Variants in FMN1 observed in about 807,000 individuals in gnomAD.
FMN1 encodes the protein formin 1.
FMN1 carries 110 observed loss-of-function variants against 132.4 expected under a neutral mutation model. The ratio of observed to expected loss-of-function variants is 0.83; its 90% CI spans 0.71 to 0.97. The LOEUF (loss-of-function observed/expected upper bound fraction) is 0.97, where lower values mean the gene tolerates loss of function less well. Among genes scored for constraint, FMN1 ranks in the 50% least tolerant of loss-of-function variants. FMN1 has a pLI of 0.00. For synonymous variants in FMN1, 722 were observed against 651.7 expected, an observed-to-expected ratio of 1.11 and a Z score of -1.64; for missense variants, 1,792 against 1,705.3, an observed-to-expected ratio of 1.05 and a Z score of -0.90.
chr15:33,151,325 C>T (rs553169764), intron 4 of FMN1: 2 of 1,536,590 alleles, frequency 1.3e-6, no homozygotes, highest in Admixed American at 3.9e-5. Context: ...ACAGGAGATG[C>T]TTACAGTTCT....
intron 4 of FMN1, among the ~76,000 whole-genome samples, chr15:33,109,510 T>C (rs2039615259): frequency 6.6e-6 from 1 of 152,008 alleles, no homozygotes; most frequent in South Asian, 2.1e-4. Flanking sequence ...TACACAGCCA[T>C]AAAAAAGAAT....
At chr15:33,024,404 G>A (rs761541569) in intron 6 of FMN1, among the ~76,000 whole-genome samples, 5 of 151,816 alleles carry the variant, frequency 3.3e-5, no homozygotes, top group Non-Finnish European at 7.4e-5. Context: ...CCGCCACCAC[G>A]CCTGGCTAAT....
chr15:32,912,066 C>G (rs1462644055), intron 10 of FMN1, among the ~76,000 whole-genome samples: 1 of 152,146 alleles, frequency 6.6e-6, no homozygotes, highest in Non-Finnish European at 1.5e-5. Flanking sequence ...AAGAAAAGGT[C>G]AAATTCTAAA....
rs147412523 is a variant in FMN1, at chr15:32,867,562, C to T, written c.3836-10455G>A. Among the ~76,000 whole-genome samples the T allele has an allele frequency of 5.9e-3, 887 of 150,476 alleles. 9 individuals carry two copies. The highest frequency in any genetic ancestry group is 0.021 in the African/African-American group (835 of 40,116). Reference sequence around the variant, plus strand: ...TCTTTCACCCAGGCTGGAGTGCAGTCGTGTGATCTCCTCGGCTCACTGCAA... The same window carrying T: ...TCTTTCACCCAGGCTGGAGTGCAGTTGTGTGATCTCCTCGGCTCACTGCAA... On this transcript the variant is annotated intron_variant, in intron 16 of 20. Transcript: ENST00000616417.
At chr15:33,148,283 G>C (rs1322591101) in intron 4 of FMN1, among the ~76,000 whole-genome samples, 1 of 152,102 alleles carries the variant, frequency 6.6e-6, no homozygotes, top group Non-Finnish European at 1.5e-5. Context: ...CCTACCTTCA[G>C]CCTCTTATAA....
chr15:33,088,449 T>A (rs139200906), intron 5 of FMN1, among the ~76,000 whole-genome samples: 2,035 of 152,302 alleles, frequency 0.013, 28 homozygotes, highest in Non-Finnish European at 0.021. Context: ...TGGCTTTACA[T>A]ATGTTATTGA....
At chr15:33,001,043 G>A in intron 7 of FMN1, among the ~76,000 whole-genome samples, 1 of 152,236 alleles carries the variant, frequency 6.6e-6, no homozygotes, top group East Asian at 1.9e-4. Flanking sequence ...AGCACTTTGG[G>A]AGGCCGAGAC....
intron 19 of FMN1, among the ~76,000 whole-genome samples, chr15:32,789,835 T>C (rs2057009761): frequency 6.6e-6 from 1 of 152,222 alleles, no homozygotes; most frequent in Admixed American, 6.5e-5. Flanking sequence ...TATGTTTAGA[T>C]ACACAAATAC....
chr15:32,853,580 C>G (rs573133438), intron 17 of FMN1, among the ~76,000 whole-genome samples: 1 of 152,090 alleles, frequency 6.6e-6, no homozygotes, highest in Non-Finnish European at 1.5e-5. Flanking sequence ...GAAATATCTA[C>G]GCAATAAATG....
intron 14 of FMN1, among the ~76,000 whole-genome samples, chr15:32,899,400 G>C (rs1468038197): frequency 2.0e-5 from 3 of 152,170 alleles, no homozygotes; most frequent in African/African-American, 7.2e-5. Context: ...CTGCTCACTG[G>C]GGCCTAATTC....
intron 17 of FMN1, among the ~76,000 whole-genome samples, chr15:32,824,764 G>A (rs1037880335): frequency 7.9e-5 from 12 of 152,166 alleles, no homozygotes; most frequent in African/African-American, 2.7e-4. Flanking sequence ...CCAGCCCTCT[G>A]TTTTATAATT....
chr15:33,107,416 TTAAAA>T (rs1209010920), intron 4 of FMN1, among the ~76,000 whole-genome samples: 3 of 151,996 alleles, frequency 2.0e-5, no homozygotes, highest in Admixed American at 1.3e-4. Flanking sequence ...CCCATCATAG[TTAAAA>T]TAAAATGCAA....
At chr15:32,827,287 G>A (rs1489835510) in intron 17 of FMN1, among the ~76,000 whole-genome samples, 1 of 152,120 alleles carries the variant, frequency 6.6e-6, no homozygotes, top group Non-Finnish European at 1.5e-5. Context: ...TTTGGGTCTC[G>A]GCAGCATTAT....
intron 4 of FMN1, among the ~76,000 whole-genome samples, chr15:33,126,138 C>CATTTAA (rs1336498236): frequency 3.3e-5 from 5 of 152,012 alleles, no homozygotes; most frequent in African/African-American, 1.2e-4. Context: ...CAGCTGCTGA[C>CATTTAA]TAAATGAGTT....
rs955954715 is a variant in FMN1, at chr15:33,177,437, CTTT to C, written c.-132+2758_-132+2760del. The stretch of plus-strand genomic sequence containing the variant: ...TCAGAAGGCTTGGACTCAAGTCCAG[CTTT>C]GCCAATTACTAACAGTACTCTTGTG... On this transcript the variant is annotated intron_variant, in intron 3 of 20. Transcript: ENST00000616417. Among the ~76,000 whole-genome samples, 171 of 152,286 alleles carry C rather than the reference CTTT, an allele frequency of 1.1e-3. 1 individual carries two copies. The highest frequency in any genetic ancestry group is 3.8e-3 in the African/African-American group (158 of 41,558).
chr15:32,889,046 G>C (rs750395242), intron 15 of FMN1, among the ~76,000 whole-genome samples: 1 of 151,900 alleles, frequency 6.6e-6, no homozygotes, highest in Non-Finnish European at 1.5e-5. Flanking sequence ...TAGAGACGGG[G>C]GTCTCACCAT....
intron 6 of FMN1, among the ~76,000 whole-genome samples, chr15:33,024,663 C>G (rs1186805947): frequency 1.3e-5 from 2 of 152,146 alleles, no homozygotes; most frequent in Non-Finnish European, 2.9e-5. Flanking sequence ...AACATTTTGA[C>G]AATATCTACC....
At chr15:32,780,179 T>C (rs979043197) in intron 19 of FMN1, among the ~76,000 whole-genome samples, 6 of 152,202 alleles carry the variant, frequency 3.9e-5, no homozygotes, top group African/African-American at 1.2e-4. Context: ...CCATCTTCAA[T>C]AGAAGCTGGG....
rs1303958729 is a variant in FMN1, at chr15:33,154,355, G to A, written c.560C>T (p.Ser187Leu). The change falls in exon 4 of 21, where the codon TCA (serine) becomes TTA (leucine). Residue 187 changes from serine to leucine, a missense_variant. Physicochemically the swap from Ser to Leu is moderately radical, Grantham distance 145 (BLOSUM62 -2). This residue lies in a region of FMN1 where 638 missense variants were observed against 645.2 expected (regional missense o/e 0.99). Transcript: ENST00000616417. ...CTTGTCCTTGCCCATCAGAGGAGCT[G>A]ATTCTCGGCCTCCACGCCCTTTTCT... ...TKRKGRGGRE[S>L]APLMGKDKIC... 1 of 1,536,176 alleles carries A rather than the reference G, an allele frequency of 6.5e-7. No individual in the cohort carries two copies.
Sources: allele counts gnomAD v4.1 joint callset (sites outside exome capture counted in the v4.1 genomes callset), GRCh38; gene constraint gnomAD v4.1.1; regional missense constraint gnomAD v4.1.1; transcripts MANE v1.5; gene names NCBI Gene and HGNC (gene_info 2026-07-23, HGNC 2026-07-21).